DMXL2: variants seen among roughly 807,000 people sequenced by gnomAD.
DMXL2 encodes the protein dmX-like protein 2.
In DMXL2, 103 loss-of-function variants were observed where a neutral mutation model predicts 331.1. That is an observed-to-expected ratio of 0.31 (90% confidence interval 0.27 to 0.37). DMXL2 has a LOEUF of 0.37. Ranked by LOEUF, DMXL2 falls within the 10% of genes least tolerant of loss-of-function variation. DMXL2 has a pLI of 1.00. For synonymous variants in DMXL2, 1,281 were observed against 1,252.1 expected, an observed-to-expected ratio of 1.02 and a Z score of -0.49; for missense variants, 3,171 against 3,642.9, an observed-to-expected ratio of 0.87 and a Z score of 3.33.
chr15:51,493,480 G>A (rs751758196), intron 19 of DMXL2, among the ~76,000 whole-genome samples: 39 of 152,220 alleles, frequency 2.6e-4, no homozygotes, highest in South Asian at 1.5e-3. Flanking sequence ...AAGAACAGGG[G>A]CACGAATAGG....
intron 1 of DMXL2, among the ~76,000 whole-genome samples, chr15:51,580,614 A>G (rs996380716): frequency 6.6e-6 from 1 of 152,194 alleles, no homozygotes; most frequent in Non-Finnish European, 1.5e-5. Context: ...GATATGGCTC[A>G]GCCCCTACAC....
At chr15:51,467,819 C>T (rs530165990) in intron 29 of DMXL2, among the ~76,000 whole-genome samples, 31 of 152,080 alleles carry the variant, frequency 2.0e-4, no homozygotes, top group Admixed American at 9.2e-4. Flanking sequence ...CTCCGCCTCC[C>T]GGGTTCACGC....
chr15:51,498,481 G>C, intron 18 of DMXL2, 71 bp downstream of exon 18: 1 of 1,441,594 alleles, frequency 6.9e-7, no homozygotes, highest in Non-Finnish European at 9.4e-7. Context: ...TTCAGTAAAT[G>C]AGTCAGTATA....
At chr15:51,449,512 A>G (rs1032794362) in intron 43 of DMXL2, among the ~76,000 whole-genome samples, 14 of 152,324 alleles carry the variant, frequency 9.2e-5, no homozygotes, top group African/African-American at 2.9e-4. Context: ...AGGCTATGTA[A>G]AAGTAGTGTG....
intron 15 of DMXL2, among the ~76,000 whole-genome samples, chr15:51,510,854 A>G (rs1280560425): frequency 6.6e-6 from 1 of 152,200 alleles, no homozygotes; most frequent in African/African-American, 2.4e-5. Flanking sequence ...TACATAGAAC[A>G]ATGGAACAGA....
intron 24 of DMXL2, 116 bp from the exon 25 acceptor site, chr15:51,480,255 T>G: frequency 9.2e-7 from 1 of 1,089,848 alleles, no homozygotes; most frequent in Non-Finnish European, 1.3e-6. Context: ...TCACTCATTC[T>G]ACACAAATTT....
At position 51,448,781 on chromosome 15, in the gene DMXL2, TA is replaced by T. The variant is rs2141169935; in HGVS notation, c.*202del. On this transcript the variant is annotated 3_prime_UTR_variant, in exon 44 of 44. Transcript: ENST00000560891. ...CTATCCTTCATACAATACTAGGTTT[TA>T]TTTTTTTTAGTATGTCAGCATAATA... The T allele has an allele frequency of 3.3e-6, 2 of 599,880 alleles. No individual in the cohort carries two copies. The highest frequency in any genetic ancestry group is 4.3e-5 in the South Asian group (2 of 46,602). 37.2% of individuals were successfully genotyped at this position (599,880 alleles called of 1,614,324 possible).
At chr15:51,451,923 C>G (rs915385015) in intron 41 of DMXL2, among the ~76,000 whole-genome samples, 3 of 152,186 alleles carry the variant, frequency 2.0e-5, no homozygotes, top group Admixed American at 2.0e-4. Flanking sequence ...ACCCCATCTC[C>G]TTTCCATTGC....
chr15:51,495,029 T>A lies in DMXL2; in HGVS notation c.4778A>T (p.His1593Leu). 1 of 1,611,076 alleles carries A rather than the reference T, an allele frequency of 6.2e-7. No homozygotes were observed. Among genetic ancestry groups the A allele is most frequent in the Non-Finnish European group, 8.5e-7 (1 of 1,177,712 alleles). ...TCAAACAGTGAGTGAATTACCTTGA[T>A]GAAGTAGCTGCACTCGGTATAAAGG... ...LPPLYRVQLL[H>L]QGVSTCHFAW... The change falls in exon 19 of 44, where the codon CAT becomes CTT. Residue 1593 changes from histidine to leucine, a missense_variant. Transcript: ENST00000560891.
chr15:51,541,287 A>G (rs1237482977), intron 9 of DMXL2, among the ~76,000 whole-genome samples: 5 of 152,168 alleles, frequency 3.3e-5, no homozygotes, highest in South Asian at 2.1e-4. Flanking sequence ...CCACGTTACA[A>G]AAGGTAAAAT....
At position 51,481,348 on chromosome 15, in the gene DMXL2, T is replaced by C. The variant is rs2041998298; in HGVS notation, c.5758A>G (p.Lys1920Glu). Reference sequence around the variant, plus strand: ...GAAATGAAGTCAGGCTGATCTTTTTTTGCAGATAAGGCAGATGTTTTGGTT... The same window carrying C: ...GAAATGAAGTCAGGCTGATCTTTTTCTGCAGATAAGGCAGATGTTTTGGTT... ...KVTKTSALSA[K>E]KDQPDFISHR... is the part of the protein sequence containing the mutation. The change falls in exon 24 of 44, where the codon AAA (lysine) becomes GAA (glutamate). Residue 1920 changes from lysine (K) to glutamate (E), a missense_variant. Around this residue, in one of 7 missense-constraint regions of DMXL2, gnomAD observed 244 missense variants for 251.4 expected, o/e 0.97. Coordinates refer to ENST00000560891, the MANE Select transcript of DMXL2 (RefSeq NM_001378457.1). The C allele has an allele frequency of 1.9e-6, 3 of 1,614,128 alleles. No homozygotes were observed. The East Asian group carries it at 6.7e-5, about 36-fold the overall frequency.
chr15:51,581,263 T>G (rs746619094), intron 1 of DMXL2, among the ~76,000 whole-genome samples: 4 of 152,174 alleles, frequency 2.6e-5, no homozygotes, highest in Non-Finnish European at 5.9e-5. Flanking sequence ...ATGCTCTTTA[T>G]GAGAATCTAA....
intron 6 of DMXL2, among the ~76,000 whole-genome samples, chr15:51,560,548 G>T (rs1475647996): frequency 7.0e-6 from 1 of 142,056 alleles, no homozygotes; most frequent in African/African-American, 2.6e-5. Context: ...AGATGTGATG[G>T]TACACACCTG....
intron 1 of DMXL2, among the ~76,000 whole-genome samples, chr15:51,599,675 T>C (rs550078438): frequency 2.0e-5 from 3 of 152,354 alleles, no homozygotes; most frequent in African/African-American, 7.2e-5. Context: ...AATGCAATTA[T>C]ATTGACAAGG....
At chr15:51,482,829 C>T (rs978160895) in intron 23 of DMXL2, among the ~76,000 whole-genome samples, 1 of 152,202 alleles carries the variant, frequency 6.6e-6, no homozygotes, top group Non-Finnish European at 1.5e-5. Context: ...CTAGACACAC[C>T]TGGCATTCAT....
intron 2 of DMXL2, among the ~76,000 whole-genome samples, chr15:51,570,317 T>C (rs968380823): frequency 1.3e-5 from 2 of 152,174 alleles, no homozygotes. Flanking sequence ...CTATGTTTGA[T>C]TGGTATACCT....
At chr15:51,591,651 C>T (rs1043439396) in intron 1 of DMXL2, among the ~76,000 whole-genome samples, 1 of 152,194 alleles carries the variant, frequency 6.6e-6, no homozygotes, top group Non-Finnish European at 1.5e-5. Context: ...TCCCTGACCC[C>T]CGAGTAGCCT....
chr15:51,591,122 A>G (rs184228848), intron 1 of DMXL2, among the ~76,000 whole-genome samples: 38 of 152,346 alleles, frequency 2.5e-4, no homozygotes, highest in African/African-American at 8.9e-4. Context: ...CGTGAACCGA[A>G]GCAGGGCGAG....
chr15:51,600,992 A>G (rs1269453069), intron 1 of DMXL2, among the ~76,000 whole-genome samples: 1 of 152,044 alleles, frequency 6.6e-6, no homozygotes, highest in East Asian at 1.9e-4. Context: ...ATCAAATTAG[A>G]GGAAAATAAA....
Sources: gnomAD v4.1 joint callset for allele counts (sites outside exome capture counted in the v4.1 genomes callset) on GRCh38, gnomAD v4.1.1 for gene constraint, gnomAD v4.1.1 regional missense constraint, MANE v1.5 for transcripts, NCBI Gene and HGNC (gene_info 2026-07-23, HGNC 2026-07-21) for gene names.